C1QTNF3: variants seen among roughly 807,000 people sequenced by gnomAD.
C1QTNF3 encodes the protein complement C1q tumor necrosis factor-related protein 3.
A neutral mutation model predicts 32.6 loss-of-function variants in C1QTNF3; 26 were observed. That is an observed-to-expected ratio of 0.80 (90% CI 0.58 to 1.11). C1QTNF3 has a LOEUF of 1.11. Ranked by LOEUF, C1QTNF3 falls within the 50% of genes least tolerant of loss-of-function variation. The pLI, the probability that C1QTNF3 is intolerant of heterozygous loss-of-function variation, is 0.00. For missense variants in C1QTNF3, 362 were observed against 398.2 expected, an observed-to-expected ratio of 0.91 and a Z score of 0.77; for synonymous variants, 155 against 146.0, an observed-to-expected ratio of 1.06 and a Z score of -0.44.
At chr5:34,163,554 G>C in the C1QTNF3 span, among the ~76,000 whole-genome samples, 2 of 151,872 alleles carry the variant, frequency 1.3e-5, no homozygotes, top group African/African-American at 4.8e-5. Context: ...TAAAGTTTCT[G>C]CAAGTATTGA....
the C1QTNF3 span, among the ~76,000 whole-genome samples, chr5:34,078,816 G>A: frequency 6.6e-6 from 1 of 151,622 alleles, no homozygotes; most frequent in African/African-American, 2.4e-5. This position sits in a 1 kb window ranked among gnomAD's most constrained non-coding sequence, Gnocchi z 4.0. Flanking sequence ...TGCAGGACAA[G>A]TTCTAGATTC....
chr5:34,088,670 CTTTT>C, the C1QTNF3 span, among the ~76,000 whole-genome samples: 2 of 151,944 alleles, frequency 1.3e-5, no homozygotes, highest in South Asian at 2.1e-4. Flanking sequence ...TGCTTTTTTG[CTTTT>C]TTTGTTTGTT....
the C1QTNF3 span, among the ~76,000 whole-genome samples, chr5:34,076,462 G>A: frequency 6.6e-6 from 1 of 151,330 alleles, no homozygotes; most frequent in Non-Finnish European, 1.5e-5. Flanking sequence ...GTATATAAAT[G>A]TTTTTGCTGT....
At chr5:34,087,726 T>C in the C1QTNF3 span, among the ~76,000 whole-genome samples, 1 of 152,134 alleles carries the variant, frequency 6.6e-6, no homozygotes, top group Non-Finnish European at 1.5e-5. Flanking sequence ...AAGTACTACA[T>C]GCACATGACA....
the C1QTNF3 span, among the ~76,000 whole-genome samples, chr5:34,178,469 T>C: frequency 2.0e-5 from 3 of 152,292 alleles, no homozygotes; most frequent in African/African-American, 7.2e-5. Flanking sequence ...ACTCCAACCC[T>C]GGAGTTACTA....
chr5:34,140,702 T>C, the C1QTNF3 span, among the ~76,000 whole-genome samples: 1 of 152,236 alleles, frequency 6.6e-6, no homozygotes, highest in Admixed American at 6.5e-5. Flanking sequence ...TCTTTCATGA[T>C]AGATTTCTCA....
At chr5:34,079,001 C>T in the C1QTNF3 span, among the ~76,000 whole-genome samples, 2 of 151,574 alleles carry the variant, frequency 1.3e-5, no homozygotes, top group Non-Finnish European at 2.9e-5. Flanking sequence ...CACACTCTAA[C>T]AACACTTGGT....
At chr5:34,115,667 C>G in the C1QTNF3 span, among the ~76,000 whole-genome samples, 1 of 150,648 alleles carries the variant, frequency 6.6e-6, no homozygotes, top group East Asian at 2.0e-4. Flanking sequence ...GGAGGCGAAG[C>G]TTGCAGTGAG....
At chr5:34,089,913 T>C in the C1QTNF3 span, among the ~76,000 whole-genome samples, 1 of 152,232 alleles carries the variant, frequency 6.6e-6, no homozygotes, top group South Asian at 2.1e-4. Flanking sequence ...ATAAAAGACA[T>C]AGTTCCAGAC....
the C1QTNF3 span, among the ~76,000 whole-genome samples, chr5:34,141,645 T>G: frequency 1.3e-5 from 2 of 152,176 alleles, no homozygotes; most frequent in South Asian, 4.1e-4. Context: ...AAGACTAATA[T>G]TGCAGAATCT....
At chr5:34,032,030 T>A (rs1331558937) in intron 3 of C1QTNF3, among the ~76,000 whole-genome samples, 1 of 152,240 alleles carries the variant, frequency 6.6e-6, no homozygotes, top group African/African-American at 2.4e-5. Flanking sequence ...TATAGTCTAG[T>A]TCTTCAAAAA....
At chr5:34,146,397 T>C in the C1QTNF3 span, among the ~76,000 whole-genome samples, 1 of 152,142 alleles carries the variant, frequency 6.6e-6, no homozygotes, top group African/African-American at 2.4e-5. Flanking sequence ...AGGGACATTG[T>C]ACTACCAAAG....
the C1QTNF3 span, among the ~76,000 whole-genome samples, chr5:34,213,823 GTGTGT>G: frequency 7.2e-5 from 1 of 13,974 alleles, no homozygotes; most frequent in Non-Finnish European, 1.8e-4. Flanking sequence ...TTTTTTTTTT[GTGTGT>G]GTGATGGAGT....
the C1QTNF3 span, among the ~76,000 whole-genome samples, chr5:34,091,478 T>C: frequency 6.6e-6 from 1 of 152,270 alleles, no homozygotes; most frequent in Non-Finnish European, 1.5e-5. Context: ...TTTTTTACTA[T>C]TTATAACCTC....
At chr5:34,215,836 T>C in the C1QTNF3 span, among the ~76,000 whole-genome samples, 16 of 152,306 alleles carry the variant, frequency 1.1e-4, no homozygotes, top group East Asian at 1.7e-3. Flanking sequence ...TCTCACTATG[T>C]TGACCAGGCT....
chr5:34,040,520 A>G (rs1754843653), intron 1 of C1QTNF3, among the ~76,000 whole-genome samples: 1 of 152,064 alleles, frequency 6.6e-6, no homozygotes, highest in Non-Finnish European at 1.5e-5. Context: ...AAATACCAGG[A>G]AAAAAGAGCC....
At chr5:34,024,461 AG>A (rs1469238415) in intron 4 of C1QTNF3, 1 of 159,936 alleles carries the variant, frequency 6.3e-6, no homozygotes, top group Non-Finnish European at 1.4e-5. Flanking sequence ...AACTCACCAA[AG>A]GGATTAGCCA....
the C1QTNF3 span, among the ~76,000 whole-genome samples, chr5:34,235,709 T>G: frequency 6.6e-6 from 1 of 151,984 alleles, no homozygotes; most frequent in Middle Eastern, 3.4e-3. Context: ...ATAATTTTTT[T>G]TCACTGGGTA....
the C1QTNF3 span, among the ~76,000 whole-genome samples, chr5:34,148,031 T>C: frequency 0.021 from 3,187 of 152,088 alleles, 134 homozygotes; most frequent in African/African-American, 0.074. Context: ...GGGCAAGGCA[T>C]TGCCTCACCT....
Sources: gnomAD v4.1 joint callset for allele counts (sites outside exome capture counted in the v4.1 genomes callset) on GRCh38, gnomAD v4.1.1 for gene constraint, Gnocchi (gnomAD v3.1) non-coding constraint, MANE v1.5 for transcripts, NCBI Gene and HGNC (gene_info 2026-07-23, HGNC 2026-07-21) for gene names.